Variants in UBAC2 observed in about 807,000 individuals in gnomAD.
The protein encoded by UBAC2 is ubiquitin-associated domain-containing protein 2.
A neutral mutation model predicts 44.0 loss-of-function variants in UBAC2; 26 were observed. The observed-to-expected ratio is 0.59, with a 90% CI of 0.43 to 0.82. UBAC2 has a LOEUF of 0.82. Among genes scored for constraint, UBAC2 ranks in the 40% least tolerant of loss-of-function variants. The probability of loss-of-function intolerance (pLI) is 0.00; values close to 1 mark genes in which losing one functional copy is unlikely to be tolerated. For missense variants in UBAC2, 329 were observed against 419.4 expected, an observed-to-expected ratio of 0.78 and a Z score of 1.88; for synonymous variants, 155 against 154.3, an observed-to-expected ratio of 1.00 and a Z score of -0.04.
intron 7 of UBAC2, among the ~76,000 whole-genome samples, chr13:99,352,812 G>A (rs540113664): frequency 3.9e-5 from 6 of 152,200 alleles, no homozygotes; most frequent in Non-Finnish European, 7.3e-5. Flanking sequence ...GGAGAAATGT[G>A]TAGTGCAGTC....
At chr13:99,334,554 T>C (rs1481004581) in intron 6 of UBAC2, among the ~76,000 whole-genome samples, 1 of 152,228 alleles carries the variant, frequency 6.6e-6, no homozygotes, top group Non-Finnish European at 1.5e-5. Flanking sequence ...TCTCCTGTTT[T>C]ACATGAAGTA....
rs11304203 is a variant in UBAC2, at chr13:99,287,643, CTT to C, written c.390-26434_390-26433del. The stretch of plus-strand genomic sequence containing the variant: ...TTTCTTTCTTCTTTTTTTTTTCTTT[CTT>C]TTTTTTTTTTTTTTTTTTTGGTAGA... On this transcript the variant is annotated intron_variant, in intron 4 of 8. Coordinates refer to ENST00000403766, the MANE Select transcript of UBAC2 (RefSeq NM_001144072.2). 5.6e-4 allele frequency among the ~76,000 whole-genome samples: 53 copies of C among 95,154 alleles called. 1 individual carries two copies. The Middle Eastern group carries it at 0.022, about 39-fold the overall frequency. The allele number at this position is 95,154 out of a possible 152,430, so 62.4% of individuals were successfully genotyped here.
At chr13:99,209,990 A>T (rs2042919060) in intron 1 of UBAC2, among the ~76,000 whole-genome samples, 1 of 152,190 alleles carries the variant, frequency 6.6e-6, no homozygotes, top group African/African-American at 2.4e-5. Context: ...AACAAAAAAC[A>T]AATTTAGCTA....
chr13:99,372,419 C>CA (rs1214703844), intron 8 of UBAC2: 2 of 154,614 alleles, frequency 1.3e-5, no homozygotes, highest in African/African-American at 4.8e-5. Context: ...CTAAGGGAGG[C>CA]AAGGAGAAGG....
At chr13:99,234,920 C>G (rs892956165) in intron 1 of UBAC2, among the ~76,000 whole-genome samples, 1 of 152,140 alleles carries the variant, frequency 6.6e-6, no homozygotes, top group African/African-American at 2.4e-5. Context: ...TTGAAGAAAA[C>G]ATAATTTGCT....
chr13:99,247,669 G>A (rs1413887948), intron 4 of UBAC2, among the ~76,000 whole-genome samples: 1 of 152,102 alleles, frequency 6.6e-6, no homozygotes, highest in Non-Finnish European at 1.5e-5. Context: ...GGGTCGATAC[G>A]TGCAGCAAAC....
At chr13:99,312,160 A>T (rs770723559) in intron 4 of UBAC2, among the ~76,000 whole-genome samples, 3 of 152,242 alleles carry the variant, frequency 2.0e-5, no homozygotes, top group Non-Finnish European at 4.4e-5. Context: ...TAGAATTGAG[A>T]GGACAGTGCA....
chr13:99,286,047 T>G (rs2044015246), intron 4 of UBAC2, among the ~76,000 whole-genome samples: 1 of 152,210 alleles, frequency 6.6e-6, no homozygotes, highest in South Asian at 2.1e-4. Context: ...GAAACAGTTC[T>G]CCTGGTAGAC....
chr13:99,350,206 T>G (rs1239232497), intron 7 of UBAC2, among the ~76,000 whole-genome samples: 1 of 152,244 alleles, frequency 6.6e-6, no homozygotes, highest in Non-Finnish European at 1.5e-5. Flanking sequence ...ATGACTACTC[T>G]TACTCTATTT....
chr13:99,355,750 A>G (rs1334031459), intron 7 of UBAC2, among the ~76,000 whole-genome samples: 1 of 152,226 alleles, frequency 6.6e-6, no homozygotes, highest in Non-Finnish European at 1.5e-5. Context: ...CTCAGCCCGC[A>G]GCGTGCTTGG....
Position 99,295,766 on chromosome 13 carries a change from A to G in UBAC2, c.390-18331A>G, listed in dbSNP as rs761442453. ...GTGCACCACAGCAATGAAGCGGTCA[A>G]TACTCAGGCAGGTCATAAAGTTCAC... On this transcript the variant is annotated intron_variant, in intron 4 of 8. Transcript: ENST00000403766. This position sits in a 1 kb window ranked among gnomAD's most constrained non-coding sequence, Gnocchi z 4.1. 3.7e-6 allele frequency: 6 copies of G among 1,614,110 alleles called. No individual in the cohort carries two copies. Among genetic ancestry groups the G allele is most frequent in the Middle Eastern group, 1.6e-4 (1 of 6,062 alleles).
intron 4 of UBAC2, among the ~76,000 whole-genome samples, chr13:99,262,548 C>G (rs2043678858): frequency 6.6e-6 from 1 of 151,680 alleles, no homozygotes; most frequent in Non-Finnish European, 1.5e-5. Flanking sequence ...ACTAAAAATA[C>G]AAAAATTAGC....
intron 6 of UBAC2, among the ~76,000 whole-genome samples, chr13:99,334,080 G>C (rs984922027): frequency 3.9e-5 from 6 of 152,126 alleles, no homozygotes; most frequent in African/African-American, 1.2e-4. Flanking sequence ...CCAAGTATCT[G>C]GGACTACAGG....
chr13:99,237,127 A>G (rs980826064), intron 1 of UBAC2, among the ~76,000 whole-genome samples: 4 of 152,182 alleles, frequency 2.6e-5, no homozygotes, highest in African/African-American at 9.7e-5. Context: ...AGTGTCCATC[A>G]ATGCAGATGT....
At chr13:99,222,502 T>G (rs2043061934) in intron 1 of UBAC2, among the ~76,000 whole-genome samples, 1 of 152,220 alleles carries the variant, frequency 6.6e-6, no homozygotes, top group Non-Finnish European at 1.5e-5. Flanking sequence ...TATTAGTAAT[T>G]AATAATTGAG....
intron 4 of UBAC2, among the ~76,000 whole-genome samples, chr13:99,311,905 C>T (rs796420668): frequency 1.1e-4 from 16 of 152,328 alleles, no homozygotes; most frequent in African/African-American, 2.9e-4. Context: ...GGTAGGAACC[C>T]GCTGTGCCGT....
At chr13:99,305,373 C>T (rs1007737941) in intron 4 of UBAC2, among the ~76,000 whole-genome samples, 1 of 152,176 alleles carries the variant, frequency 6.6e-6, no homozygotes, top group Non-Finnish European at 1.5e-5. Context: ...CACGCGTCCT[C>T]TACACAGGCC....
At chr13:99,284,732 T>C (rs2043996139) in intron 4 of UBAC2, among the ~76,000 whole-genome samples, 1 of 152,250 alleles carries the variant, frequency 6.6e-6, no homozygotes, top group African/African-American at 2.4e-5. Context: ...CCTTACTGTT[T>C]AATCCGGACT....
chr13:99,272,783 C>T (rs2043832718), intron 4 of UBAC2, among the ~76,000 whole-genome samples: 1 of 152,146 alleles, frequency 6.6e-6, no homozygotes, highest in Admixed American at 6.5e-5. Flanking sequence ...AATACCACCA[C>T]ATTGGGGGCT....
Sources: allele counts gnomAD v4.1 joint callset (sites outside exome capture counted in the v4.1 genomes callset), GRCh38; gene constraint gnomAD v4.1.1; non-coding constraint Gnocchi (gnomAD v3.1); transcripts MANE v1.5; gene names NCBI Gene and HGNC (gene_info 2026-07-23, HGNC 2026-07-21).